Variants in BRSK2 observed in about 807,000 individuals in gnomAD.
The protein encoded by BRSK2 is serine/threonine-protein kinase BRSK2.
BRSK2 carries 19 observed loss-of-function variants against 83.3 expected under a neutral mutation model. The ratio of observed to expected loss-of-function variants is 0.23; its 90% confidence interval spans 0.16 to 0.33. The LOEUF is 0.33. BRSK2 is among the 10% of genes least tolerant of loss of function. The probability of loss-of-function intolerance (pLI) is 1.00; values close to 1 mark genes in which losing one functional copy is unlikely to be tolerated. For missense variants in BRSK2, 798 were observed against 1,042.3 expected, an observed-to-expected ratio of 0.77 and a Z score of 3.23; for synonymous variants, 519 against 435.4, an observed-to-expected ratio of 1.19 and a Z score of -2.39.
At chr11:1,446,110 G>GGACTAAACT (rs1564859268) in intron 12 of BRSK2, among the ~76,000 whole-genome samples, 1 of 146,148 alleles carries the variant, frequency 6.8e-6, no homozygotes, top group African/African-American at 2.6e-5. Flanking sequence ...GGGCTGGGCT[G>GGACTAAACT]GGAGCTGAGC....
Position 1,442,499 on chromosome 11 carries a change from T to C in BRSK2, c.423T>C (p.Asp141=). The change falls in exon 5 of 20, where the codon GAT becomes GAC. Residue 141 remains aspartate (D), a synonymous_variant. Transcript: ENST00000528841. ...FCHSHSICHR[D]LKPENLLLDE... ...CCACCCTCCTCCCCAGCCACAGGGA[T>C]CTGAAACCTGAAAACCTCCTGCTGG... is the stretch of plus-strand genomic sequence containing the variant. 8.7e-6 allele frequency: 14 copies of C among 1,612,718 alleles called. No individual in the cohort carries two copies. The highest frequency in any genetic ancestry group is 1.2e-5 in the Non-Finnish European group (14 of 1,179,544).
chr11:1,424,795 C>T (rs938123077), intron 1 of BRSK2, among the ~76,000 whole-genome samples: 2 of 151,860 alleles, frequency 1.3e-5, no homozygotes, highest in African/African-American at 4.8e-5. Flanking sequence ...TGGGCCTCTG[C>T]CAGGTGGGCT....
rs372934748 is a variant in BRSK2 at position 1,443,682 on chromosome 11, G to T, written c.780+47G>T. The stretch of plus-strand genomic sequence containing the variant: ...CGGCCCCAGAGCGTGGCGGGGGGGC[G>T]CGGGGGCGGGCGTGTGCCTGTGTGT... On this transcript the variant is annotated intron_variant, in intron 8 of 19. Coordinates refer to ENST00000528841, the MANE Select transcript of BRSK2 (RefSeq NM_001256627.2). The T allele has an allele frequency of 3.6e-5, 53 of 1,488,946 alleles. No homozygotes were observed. In the African/African-American group the frequency reaches 4.9e-4, roughly 14 times the overall value. 92.2% of individuals were successfully genotyped at this position (1,488,946 alleles called of 1,614,324 possible).
chr11:1,460,300 G>T (rs1053856396), intron 19 of BRSK2, among the ~76,000 whole-genome samples, 200 bp from the exon 20 acceptor site: 1 of 151,914 alleles, frequency 6.6e-6, no homozygotes, highest in East Asian at 1.9e-4. Flanking sequence ...GCCGCCGCCT[G>T]CCCACCCTGC....
intron 14 of BRSK2, 133 bp from the exon 15 acceptor site, chr11:1,451,238 G>A (rs781197652): frequency 7.1e-6 from 7 of 982,622 alleles, no homozygotes; most frequent in African/African-American, 3.0e-5. Context: ...GGGTGGACCA[G>A]TGCCCCTGGG....
At chr11:1,433,296 C>T (rs1327831227) in intron 1 of BRSK2, among the ~76,000 whole-genome samples, 1 of 152,258 alleles carries the variant, frequency 6.6e-6, no homozygotes. Context: ...CCCTTGGGGG[C>T]TTTGACCACA....
chr11:1,395,576 G>T (rs1846022413), intron 1 of BRSK2, among the ~76,000 whole-genome samples: 2 of 152,212 alleles, frequency 1.3e-5, no homozygotes, highest in Non-Finnish European at 2.9e-5. Flanking sequence ...GTTGGAGGCG[G>T]GAGCCCTAGG....
At chr11:1,450,014 C>T (rs551045669) in intron 13 of BRSK2, among the ~76,000 whole-genome samples, 178 bp downstream of exon 13, 18 of 152,294 alleles carry the variant, frequency 1.2e-4, no homozygotes, top group South Asian at 8.3e-4. Flanking sequence ...GCTAACTGCA[C>T]GCTCTTTTGT....
intron 19 of BRSK2, among the ~76,000 whole-genome samples, chr11:1,459,741 C>T (rs993611285): frequency 2.0e-5 from 3 of 152,224 alleles, no homozygotes; most frequent in Non-Finnish European, 4.4e-5. Context: ...ATTTCCGCCC[C>T]TCTTCTCAGG....
In BRSK2 at chr11:1,461,022, C is replaced by G; in HGVS notation, c.*299C>G. ...CCTCCACGAGGCCATCCTCTGTGACCGAAGGCAGCTGCTGCGGACCCGCCC... is the reference window on the plus strand; with the variant it reads ...CCTCCACGAGGCCATCCTCTGTGACGGAAGGCAGCTGCTGCGGACCCGCCC... On this transcript the variant is annotated 3_prime_UTR_variant, in exon 20 of 20. Transcript: ENST00000528841. 1 of 1,611,560 alleles carries G rather than the reference C, an allele frequency of 6.2e-7. No individual in the cohort carries two copies. The highest frequency in any genetic ancestry group is 8.5e-7 in the Non-Finnish European group (1 of 1,179,142).
chr11:1,460,535 C>G lies in BRSK2; in HGVS notation c.2023C>G (p.Gln675Glu), dbSNP rs755620220. 4.5e-6 allele frequency: 6 copies of G among 1,340,042 alleles called. No individual in the cohort carries two copies. In the South Asian group the frequency reaches 7.4e-5, roughly 17 times the overall value. The allele number at this position is 1,340,042 out of a possible 1,614,324, so 83.0% of individuals were successfully genotyped here. ...GAGTAACTTCTTTGACGTAATTAAA[C>G]AACTTTTTTCAGACGAGAAGAACGG... ...PLSNFFDVIK[Q>E]LFSDEKNGQA... The change falls in exon 20 of 20, where the codon CAA (glutamine) becomes GAA (glutamate). Residue 675 changes from glutamine (Q) to glutamate (E), a missense_variant. Gln to Glu is a conservative substitution (Grantham distance 29). This residue lies in a region of BRSK2 where 455 missense variants were observed against 455.2 expected (regional missense o/e 1.00). Coordinates refer to ENST00000528841, the MANE Select transcript of BRSK2 (RefSeq NM_001256627.2).
At chr11:1,401,678 G>A (rs895122291) in intron 1 of BRSK2, among the ~76,000 whole-genome samples, 3 of 152,378 alleles carry the variant, frequency 2.0e-5, no homozygotes, top group Non-Finnish European at 1.5e-5. Context: ...CTGCTGCGTC[G>A]TGCCAGAGCG....
At position 1,461,035 on chromosome 11, in the gene BRSK2, T is replaced by C. The variant is rs1208303316; in HGVS notation, c.*312T>C. On this transcript the variant is annotated 3_prime_UTR_variant, in exon 20 of 20. Coordinates refer to ENST00000528841, the MANE Select transcript of BRSK2 (RefSeq NM_001256627.2). ...ATCCTCTGTGACCGAAGGCAGCTGC[T>C]GCGGACCCGCCCTCCCTCCGCTCCT... 1 of 1,609,722 alleles carries C rather than the reference T, an allele frequency of 6.2e-7. No individual in the cohort carries two copies. The highest frequency in any genetic ancestry group is 8.5e-7 in the Non-Finnish European group (1 of 1,178,054).
At chr11:1,396,969 G>T (rs1846168780) in intron 1 of BRSK2, among the ~76,000 whole-genome samples, 1 of 152,222 alleles carries the variant, frequency 6.6e-6, no homozygotes, top group Non-Finnish European at 1.5e-5. Context: ...CTTGTGCGAG[G>T]TTCCAATGGC....
Position 1,390,378 on chromosome 11 carries a change from G to T in BRSK2, c.91+3G>T. 1 of 1,024,028 alleles carries T rather than the reference G, an allele frequency of 9.8e-7. No individual in the cohort carries two copies. Among genetic ancestry groups the T allele is most frequent in the African/African-American group, 1.7e-5 (1 of 57,564 alleles). 63.4% of individuals were successfully genotyped at this position (1,024,028 alleles called of 1,614,324 possible). ...GACGCTGGGCAAGGGGCAGACAGGT[G>T]CGTGCGGCCGGGGCGGGGACCGGGG... On this transcript the variant is annotated splice_donor_region_variant and intron_variant, in intron 1 of 19. Transcript: ENST00000528841. The surrounding 1 kb of genome is among the most constrained non-coding windows in gnomAD (Gnocchi z 6.8).
chr11:1,436,158 CGGG>C, intron 2 of BRSK2, 24 bp downstream of exon 2: 1 of 64,534 alleles, frequency 1.5e-5, no homozygotes. Context: ...GGGAGGGAGG[CGGG>C]GCCGGCGGTG....
intron 1 of BRSK2, among the ~76,000 whole-genome samples, chr11:1,420,335 C>T (rs1848529215): frequency 6.6e-6 from 1 of 152,216 alleles, no homozygotes; most frequent in Admixed American, 6.5e-5. Context: ...CCAACCTGTG[C>T]ACGCCCTTGG....
chr11:1,433,849 G>A (rs1849914354), intron 1 of BRSK2, among the ~76,000 whole-genome samples: 1 of 152,176 alleles, frequency 6.6e-6, no homozygotes, highest in South Asian at 2.1e-4. Context: ...TCCCCTCTGT[G>A]CCCAGCCTGT....
Position 1,460,732 on chromosome 11 carries a change from G to GC in BRSK2, c.*20dup, listed in dbSNP as rs34875491. On this transcript the variant is annotated 3_prime_UTR_variant, in exon 20 of 20. Transcript: ENST00000528841. ...GCCGCGAGCAGCCTTAGACACACTA[G>GC]CCCCCCCCCCCAGCACAGCACTGAC... The GC allele has an allele frequency of 0.028, 36,017 of 1,275,096 alleles. 101 individuals carry two copies. The highest frequency in any genetic ancestry group is 0.057 in the African/African-American group (3,323 of 57,924). 79.0% of individuals were successfully genotyped at this position (1,275,096 alleles called of 1,614,324 possible).
Sources: gnomAD v4.1 joint callset for allele counts (sites outside exome capture counted in the v4.1 genomes callset) on GRCh38, gnomAD v4.1.1 for gene constraint, gnomAD v4.1.1 regional missense constraint, Gnocchi (gnomAD v3.1) non-coding constraint, MANE v1.5 for transcripts, NCBI Gene and HGNC (gene_info 2026-07-23, HGNC 2026-07-21) for gene names.